CIB4: variants seen among roughly 807,000 people sequenced by gnomAD.
CIB4 encodes the protein calcium and integrin binding family member 4.
CIB4 carries 25 observed loss-of-function variants against 25.8 expected under a neutral mutation model. That is an observed-to-expected ratio of 0.97 (90% CI 0.71 to 1.35). The LOEUF is 1.35. CIB4 is among the 40% of genes most tolerant of loss of function. The pLI, the probability that CIB4 is intolerant of heterozygous loss-of-function variation, is 0.00. For synonymous variants in CIB4, 75 were observed against 81.4 expected (o/e 0.92, Z 0.42); for missense variants, 235 against 228.2 (o/e 1.03, Z -0.19).
At chr2:26,592,577 C>A (rs1426253034) in intron 4 of CIB4, among the ~76,000 whole-genome samples, 1 of 152,148 alleles carries the variant, frequency 6.6e-6, no homozygotes, top group Admixed American at 6.5e-5. Context: ...TTGTCAGACT[C>A]CACCTAGATA....
At chr2:26,581,430 A>G in intron 6 of CIB4, 37 bp from the exon 7 acceptor site, 1 of 1,610,748 alleles carries the variant, frequency 6.2e-7, no homozygotes, top group Non-Finnish European at 8.5e-7. Context: ...GTGAGCCCGC[A>G]GGTCCAAGGG....
chr2:26,589,142 CCTT>C (rs1668536390), intron 4 of CIB4, among the ~76,000 whole-genome samples: 1 of 86,780 alleles, frequency 1.2e-5, no homozygotes, highest in Non-Finnish European at 2.3e-5. Flanking sequence ...TTCTTCTTCT[CCTT>C]CCCCTTCCCC....
chr2:26,582,698 A>C, intron 6 of CIB4, 127 bp downstream of exon 6: 1 of 561,558 alleles, frequency 1.8e-6, no homozygotes, highest in South Asian at 2.9e-5. Flanking sequence ...AAGAATCTGC[A>C]AAGTATTCTG....
At chr2:26,594,872 C>T (rs113308065) in intron 4 of CIB4, among the ~76,000 whole-genome samples, 2 of 152,270 alleles carry the variant, frequency 1.3e-5, no homozygotes, top group African/African-American at 4.8e-5. Flanking sequence ...AGCATAAATC[C>T]TTTACATGCA....
intron 4 of CIB4, among the ~76,000 whole-genome samples, chr2:26,588,951 G>C (rs939561780): frequency 2.0e-5 from 3 of 150,790 alleles, no homozygotes; most frequent in African/African-American, 7.3e-5. Context: ...TGTCCCTGCT[G>C]GCTGCTGCCG....
intron 3 of CIB4, among the ~76,000 whole-genome samples, chr2:26,617,257 G>C (rs4665885): frequency 0.22 from 33,893 of 152,060 alleles, 4,166 homozygotes; most frequent in East Asian, 0.5. Flanking sequence ...CCAGCCCCCT[G>C]TGTAACAGGA....
intron 2 of CIB4, among the ~76,000 whole-genome samples, chr2:26,637,065 G>A (rs1199694486): frequency 6.6e-6 from 1 of 152,168 alleles, no homozygotes; most frequent in Non-Finnish European, 1.5e-5. Context: ...TCATCATGCT[G>A]GTGGCCCTGA....
chr2:26,589,293 C>T (rs142949618), intron 4 of CIB4, among the ~76,000 whole-genome samples: 2,599 of 149,802 alleles, frequency 0.017, 41 homozygotes, highest in South Asian at 0.032. Context: ...CCTCCTCCTC[C>T]TCCTCTCCTT....
chr2:26,584,687 G>C (rs923493087), intron 4 of CIB4, among the ~76,000 whole-genome samples: 2 of 152,218 alleles, frequency 1.3e-5, no homozygotes, highest in Admixed American at 6.5e-5. Flanking sequence ...AGGGTAATGT[G>C]ACAGGGAGCC....
At chr2:26,601,961 G>C (rs913544044) in intron 3 of CIB4, among the ~76,000 whole-genome samples, 4 of 152,214 alleles carry the variant, frequency 2.6e-5, no homozygotes, top group Non-Finnish European at 4.4e-5. Flanking sequence ...ACAGATCATA[G>C]CTGTCAGTGG....
chr2:26,612,633 C>T (rs140559121), intron 3 of CIB4, among the ~76,000 whole-genome samples: 2,179 of 152,200 alleles, frequency 0.014, 46 homozygotes, highest in African/African-American at 0.043. Flanking sequence ...TCCCTTTTCT[C>T]GGTGATTCTT....
chr2:26,615,769 G>A (rs981688112), intron 3 of CIB4, among the ~76,000 whole-genome samples: 5 of 152,250 alleles, frequency 3.3e-5, no homozygotes, highest in Non-Finnish European at 7.3e-5. Flanking sequence ...CTGCCTGCTC[G>A]ACCCAGAACA....
intron 3 of CIB4, among the ~76,000 whole-genome samples, chr2:26,599,341 A>C (rs1668739538): frequency 6.6e-6 from 1 of 152,240 alleles, no homozygotes; most frequent in South Asian, 2.1e-4. Flanking sequence ...TAGAAACTAC[A>C]GTTTATCGAC....
At chr2:26,607,453 C>G (rs1285957810) in intron 3 of CIB4, among the ~76,000 whole-genome samples, 1 of 152,158 alleles carries the variant, frequency 6.6e-6, no homozygotes, top group African/African-American at 2.4e-5. Context: ...TTGTACATTA[C>G]CATTTTTAAT....
At chr2:26,602,122 C>T (rs1357266794) in intron 3 of CIB4, among the ~76,000 whole-genome samples, 1 of 152,044 alleles carries the variant, frequency 6.6e-6, no homozygotes, top group African/African-American at 2.4e-5. Flanking sequence ...TTACTGGATG[C>T]AAATCAAAGA....
chr2:26,619,079 T>G (rs942626418), intron 3 of CIB4, among the ~76,000 whole-genome samples: 18 of 152,210 alleles, frequency 1.2e-4, no homozygotes, highest in African/African-American at 4.1e-4. Flanking sequence ...CAACCCGCAG[T>G]AAAGGCATAG....
At chr2:26,605,358 A>G in intron 3 of CIB4, 1 of 291,212 alleles carries the variant, frequency 3.4e-6, no homozygotes, top group Non-Finnish European at 7.2e-6. Context: ...CACCGGGGGA[A>G]AGTGTATCAG....
At chr2:26,623,418 A>C (rs751831367) in intron 3 of CIB4, 1 of 421,060 alleles carries the variant, frequency 2.4e-6, no homozygotes, top group East Asian at 7.6e-5. Context: ...ACCTACTTTT[A>C]GGATTTCTTG....
intron 4 of CIB4, among the ~76,000 whole-genome samples, chr2:26,590,862 G>C (rs1668575155): frequency 6.6e-6 from 1 of 152,222 alleles, no homozygotes; most frequent in South Asian, 2.1e-4. Flanking sequence ...AAGGGGCCTG[G>C]AGAGAGAGTG....
Sources: gnomAD v4.1 joint callset for allele counts (sites outside exome capture counted in the v4.1 genomes callset) on GRCh38, gnomAD v4.1.1 for gene constraint, MANE v1.5 for transcripts, NCBI Gene and HGNC (gene_info 2026-07-23, HGNC 2026-07-21) for gene names.